OSBPL1A: variants seen among roughly 807,000 people sequenced by gnomAD.
The protein encoded by OSBPL1A is oxysterol binding protein like 1A.
Under a neutral mutation model 137.1 loss-of-function variants are expected in OSBPL1A, and 80 were observed. The ratio of observed to expected loss-of-function variants is 0.58; its 90% CI spans 0.49 to 0.70. OSBPL1A has a LOEUF of 0.70. Ranked by LOEUF, OSBPL1A falls within the 30% of genes least tolerant of loss-of-function variation. The pLI, the probability that OSBPL1A is intolerant of heterozygous loss-of-function variation, is 0.00. For missense variants in OSBPL1A, 970 were observed against 1,129.4 expected (o/e 0.86, Z 2.02); for synonymous variants, 365 against 389.7 (o/e 0.94, Z 0.75).
chr18:24,198,649 C>T (rs2087110948), intron 17 of OSBPL1A, among the ~76,000 whole-genome samples: 1 of 151,976 alleles, frequency 6.6e-6, no homozygotes, highest in African/African-American at 2.4e-5. Context: ...GAAACACCGG[C>T]CCACGAGACA....
At chr18:24,335,892 T>A (rs1269233189) in intron 5 of OSBPL1A, among the ~76,000 whole-genome samples, 2 of 152,224 alleles carry the variant, frequency 1.3e-5, no homozygotes, top group East Asian at 3.8e-4. Context: ...TATACCATCA[T>A]CTTCTTTTCC....
Position 24,366,896 on chromosome 18 carries a change from C to T in OSBPL1A, c.278G>A (p.Arg93Gln), listed in dbSNP as rs1211720880. The T allele has an allele frequency of 1.9e-6, 3 of 1,611,062 alleles. No homozygotes were observed. Among genetic ancestry groups the T allele is most frequent in the South Asian group, 2.2e-5 (2 of 90,438 alleles). ...TGAACATAGAATGATTTTCACCTTT[C>T]GTCCTGTAAAGGCAGCTCGATGAAG... ...TPLHRAAFTGRKELVMLLLEY... is the reference protein window; with the variant it reads ...TPLHRAAFTGQKELVMLLLEY... Residue 93 changes from arginine (R) to glutamine (Q), a missense_variant, in exon 4 of 28, where the codon CGA becomes CAA. This residue lies in a region of OSBPL1A where 647 missense variants were observed against 672.6 expected (regional missense o/e 0.96). Transcript: ENST00000319481.
chr18:24,258,895 A>AT (rs1313911102), intron 15 of OSBPL1A, among the ~76,000 whole-genome samples: 1 of 145,056 alleles, frequency 6.9e-6, no homozygotes, highest in Non-Finnish European at 1.5e-5. Flanking sequence ...AAATTCTGTA[A>AT]TTTTTTAAAG....
chr18:24,175,111 T>TATATATATATATATATATATATATACAC (rs2086400574), intron 21 of OSBPL1A, among the ~76,000 whole-genome samples: 1 of 13,972 alleles, frequency 7.2e-5, no homozygotes, highest in Non-Finnish European at 4.8e-4. Flanking sequence ...TGTGTATGTA[T>TATATATATATATATATATATATATACAC]ATATATATAT....
Position 24,311,854 on chromosome 18 carries a change from G to A in OSBPL1A, c.1092+130C>T. On this transcript the variant is annotated intron_variant, in intron 13 of 27. Transcript: ENST00000319481. Reference sequence around the variant, plus strand: ...AGCTACCAACACAATGCAACTCAGTGAAGAACAGTACTATTTCTATTGTTG... The same window carrying A: ...AGCTACCAACACAATGCAACTCAGTAAAGAACAGTACTATTTCTATTGTTG... The A allele has an allele frequency of 1.9e-6, 2 of 1,057,790 alleles. 1 individual carries two copies. The highest frequency in any genetic ancestry group is 3.0e-5 in the South Asian group (2 of 66,424). 65.5% of individuals were successfully genotyped at this position (1,057,790 alleles called of 1,614,324 possible). A position where few individuals can be genotyped will look rare whatever the true frequency, so the allele number is the denominator to read the frequency against.
At chr18:24,355,821 C>A (rs1314611457) in intron 4 of OSBPL1A, among the ~76,000 whole-genome samples, 2 of 151,924 alleles carry the variant, frequency 1.3e-5, no homozygotes, top group Non-Finnish European at 2.9e-5. Context: ...CCTGACTCTA[C>A]TAAAAATACA....
intron 4 of OSBPL1A, among the ~76,000 whole-genome samples, chr18:24,349,549 C>T (rs1248332508): frequency 6.6e-6 from 1 of 152,064 alleles, no homozygotes; most frequent in African/African-American, 2.4e-5. Flanking sequence ...TTACATGGCA[C>T]AGTCAACCTT....
chr18:24,175,546 T>C (rs191754649), intron 21 of OSBPL1A, among the ~76,000 whole-genome samples: 14 of 152,346 alleles, frequency 9.2e-5, no homozygotes, highest in African/African-American at 3.4e-4. Flanking sequence ...TACAAGTCCT[T>C]TGTTGGCTAT....
At chr18:24,314,920 C>T (rs949387828) in intron 11 of OSBPL1A, among the ~76,000 whole-genome samples, 1 of 152,102 alleles carries the variant, frequency 6.6e-6, no homozygotes, top group African/African-American at 2.4e-5. Flanking sequence ...AAATAACTCC[C>T]ACAAGCTTAG....
chr18:24,163,356 G>T, intron 27 of OSBPL1A, 75 bp from the exon 28 acceptor site: 2 of 1,072,192 alleles, frequency 1.9e-6, no homozygotes, highest in Non-Finnish European at 2.8e-6. Context: ...CTAGTTTGCA[G>T]TATTATTCTA....
At chr18:24,166,776 G>T (rs1467066503) in intron 25 of OSBPL1A, 74 bp from the exon 26 acceptor site, 1 of 1,474,402 alleles carries the variant, frequency 6.8e-7, no homozygotes, top group African/African-American at 1.4e-5. Context: ...GAAAGTAGAA[G>T]AGGGTTGACT....
chr18:24,373,904 G>A (rs1317014748), intron 2 of OSBPL1A, among the ~76,000 whole-genome samples: 1 of 152,068 alleles, frequency 6.6e-6, no homozygotes, highest in Non-Finnish European at 1.5e-5. Flanking sequence ...GATAAAGTCT[G>A]ACTGACAGGT....
In OSBPL1A at chr18:24,239,230, A is replaced by T; in HGVS notation, c.1434T>A (p.Asp478Glu). The T allele has an allele frequency of 6.2e-7, 1 of 1,613,648 alleles. No homozygotes were observed. Among genetic ancestry groups the T allele is most frequent in the Non-Finnish European group, 8.5e-7 (1 of 1,179,850 alleles). The change falls in exon 16 of 28, where the codon GAT becomes GAA. Residue 478 changes from aspartate to glutamate, a missense_variant. By Grantham distance (45) the Asp-to-Glu change is conservative. Around this residue, in one of 2 missense-constraint regions of OSBPL1A, gnomAD observed 647 missense variants for 672.6 expected, o/e 0.96. Transcript: ENST00000319481. ...GGATCCCAGAGTTACCTGACAGCGCATCATAGAACTCGTCCTCGCTAAGGA... is the reference window on the plus strand; with the variant it reads ...GGATCCCAGAGTTACCTGACAGCGCTTCATAGAACTCGTCCTCGCTAAGGA... ...ASILSEDEFY[D>E]ALSDSESERS...
At chr18:24,381,883 C>T (rs1906609882) in intron 1 of OSBPL1A, among the ~76,000 whole-genome samples, 1 of 151,562 alleles carries the variant, frequency 6.6e-6, no homozygotes. Context: ...ATCGCTTGAA[C>T]CCGGGAGGCA....
chr18:24,310,421 T>C (rs1599648275), intron 13 of OSBPL1A, among the ~76,000 whole-genome samples: 1 of 107,918 alleles, frequency 9.3e-6, no homozygotes, highest in Non-Finnish European at 1.9e-5. Context: ...ACCCTGTCTC[T>C]ACTAAAAATA....
intron 1 of OSBPL1A, among the ~76,000 whole-genome samples, chr18:24,387,698 G>A (rs111783619): frequency 5.9e-5 from 9 of 151,880 alleles, no homozygotes; most frequent in African/African-American, 9.7e-5. Flanking sequence ...ACAGGCATGC[G>A]CCACTGCACC....
Position 24,271,650 on chromosome 18 carries a change from C to G in OSBPL1A, c.1281+9192G>C. The G allele has an allele frequency of 1.2e-5, 12 of 985,818 alleles. No homozygotes were observed. Among genetic ancestry groups the G allele is most frequent in the Non-Finnish European group, 1.4e-5 (12 of 830,218 alleles). 61.1% of individuals were successfully genotyped at this position (985,818 alleles called of 1,614,324 possible). ...GGCCAGATCCGAGGACCCCGGCTGG[C>G]GCGCTCCACCCTGCGCTCCTCGCAA... is the stretch of plus-strand genomic sequence containing the variant. On this transcript the variant is annotated intron_variant, in intron 15 of 27. Coordinates refer to ENST00000319481, the MANE Select transcript of OSBPL1A (RefSeq NM_080597.4). This position sits in a 1 kb window ranked among gnomAD's most constrained non-coding sequence, Gnocchi z 4.0.
intron 4 of OSBPL1A, among the ~76,000 whole-genome samples, chr18:24,349,309 GA>G (rs995473889): frequency 1.2e-4 from 18 of 150,416 alleles, no homozygotes; most frequent in East Asian, 3.9e-4. Flanking sequence ...AGACAGACAA[GA>G]AAAAAAAAGT....
intron 7 of OSBPL1A, among the ~76,000 whole-genome samples, chr18:24,321,453 C>T (rs2090855410): frequency 6.6e-6 from 1 of 152,204 alleles, no homozygotes; most frequent in Non-Finnish European, 1.5e-5. Flanking sequence ...TGTGTCATCA[C>T]ACCTGGCTAA....
Sources: gnomAD v4.1 joint callset for allele counts (sites outside exome capture counted in the v4.1 genomes callset) on GRCh38, gnomAD v4.1.1 for gene constraint, gnomAD v4.1.1 regional missense constraint, Gnocchi (gnomAD v3.1) non-coding constraint, MANE v1.5 for transcripts, NCBI Gene and HGNC (gene_info 2026-07-23, HGNC 2026-07-21) for gene names.